Variants in BMPR1B observed in about 807,000 individuals in gnomAD.
The protein encoded by BMPR1B is bone morphogenetic protein receptor type-1B.
In BMPR1B, 12 loss-of-function variants were observed where a neutral mutation model predicts 59.1. The observed-to-expected ratio is 0.20, with a 90% CI of 0.13 to 0.33. The LOEUF is 0.33. Ranked by LOEUF, BMPR1B falls within the 10% of genes least tolerant of loss-of-function variation. The pLI, the probability that BMPR1B is intolerant of heterozygous loss-of-function variation, is 1.00. For synonymous variants in BMPR1B, 237 were observed against 207.3 expected, an observed-to-expected ratio of 1.14 and a Z score of -1.23; for missense variants, 550 against 610.9, an observed-to-expected ratio of 0.90 and a Z score of 1.05.
At chr4:95,080,035 T>A (rs902162214) in intron 3 of BMPR1B, among the ~76,000 whole-genome samples, 1 of 152,198 alleles carries the variant, frequency 6.6e-6, no homozygotes, top group African/African-American at 2.4e-5. Flanking sequence ...ACTCAGGAGC[T>A]TAATTGTGCC....
intron 2 of BMPR1B, among the ~76,000 whole-genome samples, chr4:94,978,393 A>G (rs1731108938): frequency 6.6e-6 from 1 of 152,222 alleles, no homozygotes. Context: ...TGAATCAGCT[A>G]GGTGCTGTCC....
At chr4:95,077,165 G>A (rs557596683) in intron 3 of BMPR1B, among the ~76,000 whole-genome samples, 108 of 151,996 alleles carry the variant, frequency 7.1e-4, no homozygotes, top group Non-Finnish European at 1.4e-3. Context: ...AATGGAACAC[G>A]GAAGACATAG....
In BMPR1B at chr4:95,114,670, T is replaced by G. The variant is rs760099912; in HGVS notation, c.144-50T>G. The G allele has an allele frequency of 8.7e-6, 11 of 1,265,340 alleles. No individual in the cohort carries two copies. In the East Asian group the frequency reaches 2.6e-4, roughly 30 times the overall value. 78.4% of individuals were successfully genotyped at this position (1,265,340 alleles called of 1,614,324 possible). On this transcript the variant is annotated intron_variant, in intron 4 of 12. Transcript: ENST00000515059. The stretch of plus-strand genomic sequence containing the variant: ...GACACACACACACACACACACACAC[T>G]GACTCACACACACACATTCTGTTTC...
At chr4:95,091,701 AGTAAAG>A in intron 3 of BMPR1B, 7 of 953,402 alleles carry the variant, frequency 7.3e-6, no homozygotes, top group Non-Finnish European at 8.7e-6. Context: ...AAGCAAGATG[AGTAAAG>A]CCAATTCTGG....
chr4:95,151,984 G>T (rs947386437), intron 11 of BMPR1B, among the ~76,000 whole-genome samples: 1 of 152,010 alleles, frequency 6.6e-6, no homozygotes, highest in African/African-American at 2.4e-5. Flanking sequence ...TTATGAAGAT[G>T]CTATAGATTT....
intron 1 of BMPR1B, among the ~76,000 whole-genome samples, chr4:94,865,134 C>T (rs754213879): frequency 1.3e-5 from 2 of 151,784 alleles, no homozygotes; most frequent in Admixed American, 1.3e-4. Flanking sequence ...CTCAGCCTCC[C>T]GAGTAGCTGG....
intron 4 of BMPR1B, among the ~76,000 whole-genome samples, chr4:95,109,135 TG>T (rs1388317918): frequency 6.6e-6 from 1 of 152,158 alleles, no homozygotes; most frequent in East Asian, 1.9e-4. Flanking sequence ...TCCTCACGCA[TG>T]TTATGCATTT....
At chr4:94,841,998 C>A (rs1332393387) in intron 1 of BMPR1B, among the ~76,000 whole-genome samples, 1 of 152,030 alleles carries the variant, frequency 6.6e-6, no homozygotes, top group Non-Finnish European at 1.5e-5. Context: ...GAAACCAGGG[C>A]TGGTTAGGAA....
intron 2 of BMPR1B, among the ~76,000 whole-genome samples, chr4:94,937,262 C>T (rs1290795278): frequency 6.6e-6 from 1 of 152,014 alleles, no homozygotes; most frequent in Admixed American, 6.6e-5. Context: ...TTTAAATGAC[C>T]TGTATCTTTT....
chr4:94,821,747 C>G (rs1724218436), intron 1 of BMPR1B, among the ~76,000 whole-genome samples: 1 of 152,136 alleles, frequency 6.6e-6, no homozygotes. Flanking sequence ...AAGGATAAGG[C>G]TTATAAATGC....
At chr4:94,856,049 A>G (rs1438367310) in intron 1 of BMPR1B, among the ~76,000 whole-genome samples, 1 of 152,238 alleles carries the variant, frequency 6.6e-6, no homozygotes, top group East Asian at 1.9e-4. Context: ...ACAACAAAAA[A>G]GACTGACAAT....
intron 1 of BMPR1B, among the ~76,000 whole-genome samples, chr4:94,763,116 C>T (rs933558817): frequency 3.9e-5 from 6 of 152,054 alleles, no homozygotes; most frequent in South Asian, 2.1e-4. Flanking sequence ...TACACTGAGA[C>T]GCTTGGTTCT....
intron 2 of BMPR1B, among the ~76,000 whole-genome samples, chr4:94,966,360 C>G (rs1196539821): frequency 6.6e-6 from 1 of 151,874 alleles, no homozygotes; most frequent in Non-Finnish European, 1.5e-5. Context: ...TAAAAATTAT[C>G]AGAAGAATAA....
At chr4:94,893,451 G>A (rs1433934273) in intron 2 of BMPR1B, among the ~76,000 whole-genome samples, 1 of 152,000 alleles carries the variant, frequency 6.6e-6, no homozygotes, top group Non-Finnish European at 1.5e-5. Flanking sequence ...GGCTTCCCAA[G>A]AAGAAATACG....
chr4:94,896,729 G>A (rs1727601367), intron 2 of BMPR1B, among the ~76,000 whole-genome samples: 1 of 151,932 alleles, frequency 6.6e-6, no homozygotes, highest in Non-Finnish European at 1.5e-5. Flanking sequence ...TGAAAATACA[G>A]GTATAAGCAA....
chr4:95,045,591 G>A (rs1214196197), intron 3 of BMPR1B, among the ~76,000 whole-genome samples: 2 of 152,132 alleles, frequency 1.3e-5, no homozygotes, highest in African/African-American at 4.8e-5. Flanking sequence ...CCTTCACCCA[G>A]TGAATTCCTA....
At chr4:94,934,202 A>T (rs1729201349) in intron 2 of BMPR1B, among the ~76,000 whole-genome samples, 1 of 152,222 alleles carries the variant, frequency 6.6e-6, no homozygotes, top group African/African-American at 2.4e-5. Context: ...GAGATTCATC[A>T]TATGAAATCA....
intron 3 of BMPR1B, among the ~76,000 whole-genome samples, chr4:95,019,315 G>A (rs1293892418): frequency 6.6e-6 from 1 of 152,104 alleles, no homozygotes; most frequent in Non-Finnish European, 1.5e-5. Context: ...GTACTTAATG[G>A]ATAAAAATAT....
At chr4:94,987,216 ATAT>A (rs199526708) in intron 2 of BMPR1B, among the ~76,000 whole-genome samples, 5,029 of 145,082 alleles carry the variant, frequency 0.035, 299 homozygotes, top group African/African-American at 0.12. Flanking sequence ...AATATATATC[ATAT>A]TATATATAAT....
Sources: gnomAD v4.1 joint callset for allele counts (sites outside exome capture counted in the v4.1 genomes callset) on GRCh38, gnomAD v4.1.1 for gene constraint, MANE v1.5 for transcripts, NCBI Gene and HGNC (gene_info 2026-07-23, HGNC 2026-07-21) for gene names.